Variants in CUL1 observed in about 807,000 individuals in gnomAD.
The protein encoded by CUL1 is cullin 1.
A neutral mutation model predicts 118.0 loss-of-function variants in CUL1; 24 were observed. That is an observed-to-expected ratio of 0.20 (90% CI 0.15 to 0.29). CUL1 has a LOEUF of 0.29. CUL1 is among the 10% of genes least tolerant of loss of function. CUL1 has a pLI of 1.00. For missense variants in CUL1, 361 were observed against 933.8 expected, an observed-to-expected ratio of 0.39 and a Z score of 7.99; for synonymous variants, 332 against 340.4, an observed-to-expected ratio of 0.98 and a Z score of 0.27.
chr7:148,759,434 C>G (rs1297192104), intron 5 of CUL1, 80 bp downstream of exon 5: 5 of 1,493,644 alleles, frequency 3.3e-6, no homozygotes, highest in Non-Finnish European at 4.7e-6. Flanking sequence ...TCTCGTCACT[C>G]CTTCGGATTA....
chr7:148,726,735 C>G (rs765516489), intron 1 of CUL1, among the ~76,000 whole-genome samples: 5 of 151,730 alleles, frequency 3.3e-5, no homozygotes, highest in Non-Finnish European at 7.4e-5. Flanking sequence ...TAAGGTTAAC[C>G]TCTAATTGCC....
intron 19 of CUL1, 77 bp from the exon 20 acceptor site, chr7:148,798,495 G>A (rs530956221): frequency 9.7e-5 from 103 of 1,059,104 alleles, no homozygotes; most frequent in Non-Finnish European, 1.4e-4. Context: ...ACTTCTTAAA[G>A]GTTGAAAAAT....
chr7:148,724,245 C>G (rs1798486406), intron 1 of CUL1, among the ~76,000 whole-genome samples: 1 of 152,196 alleles, frequency 6.6e-6, no homozygotes, highest in African/African-American at 2.4e-5. Flanking sequence ...GATTAGTTCA[C>G]AGTTGGAATT....
chr7:148,737,470 G>A (rs1039945289), intron 2 of CUL1, among the ~76,000 whole-genome samples: 1 of 151,602 alleles, frequency 6.6e-6, no homozygotes. Context: ...GATTATACAG[G>A]ATAGTATGTG....
chr7:148,734,679 G>A (rs960350228), intron 2 of CUL1, among the ~76,000 whole-genome samples: 1 of 152,156 alleles, frequency 6.6e-6, no homozygotes, highest in South Asian at 2.1e-4. Context: ...TATATTTCAG[G>A]TGTTGTGCTT....
At chr7:148,786,621 C>A in intron 12 of CUL1, 22 bp downstream of exon 12, 1 of 1,599,830 alleles carries the variant, frequency 6.3e-7, no homozygotes, top group Non-Finnish European at 8.6e-7. Context: ...ATGAGCATAC[C>A]CATTTCCAGT....
At chr7:148,788,713 G>C in intron 14 of CUL1, 39 bp downstream of exon 14, 1 of 1,313,494 alleles carries the variant, frequency 7.6e-7, no homozygotes, top group Non-Finnish European at 1.1e-6. Context: ...TTTACAGGCA[G>C]AGTTCTCTGT....
intron 1 of CUL1, among the ~76,000 whole-genome samples, chr7:148,723,682 A>G (rs1384031196): frequency 6.6e-6 from 1 of 151,386 alleles, no homozygotes; most frequent in Non-Finnish European, 1.5e-5. Context: ...AAAGAGGTAT[A>G]TTTCATTAAG....
intron 9 of CUL1, among the ~76,000 whole-genome samples, chr7:148,778,783 T>C (rs941324800): frequency 6.6e-6 from 1 of 152,214 alleles, no homozygotes; most frequent in Non-Finnish European, 1.5e-5. Flanking sequence ...ATGTGGAGGC[T>C]GAATGTACCC....
At chr7:148,719,975 G>A (rs1354040300) in intron 1 of CUL1, among the ~76,000 whole-genome samples, 1 of 152,216 alleles carries the variant, frequency 6.6e-6, no homozygotes, top group African/African-American at 2.4e-5. Context: ...TTCCTCATTT[G>A]TGAAACGTAG....
intron 21 of CUL1, among the ~76,000 whole-genome samples, 177 bp downstream of exon 21, chr7:148,799,565 A>C (rs141650038): frequency 1.7e-4 from 26 of 152,380 alleles, no homozygotes; most frequent in African/African-American, 6.0e-4. Flanking sequence ...TACAAAGTGC[A>C]CAGATGATGA....
chr7:148,704,099 G>A (rs982260064), intron 1 of CUL1, among the ~76,000 whole-genome samples: 2 of 151,336 alleles, frequency 1.3e-5, no homozygotes, highest in South Asian at 2.2e-4. Context: ...TAACTTACAA[G>A]CAAATTTACT....
intron 20 of CUL1, among the ~76,000 whole-genome samples, chr7:148,798,955 G>T (rs1563173033): frequency 1.3e-5 from 2 of 152,318 alleles, no homozygotes; most frequent in South Asian, 2.1e-4. Context: ...GAGTTCTTCA[G>T]TGGGGAGGAT....
intron 9 of CUL1, chr7:148,783,395 G>C: frequency 1.0e-6 from 1 of 985,460 alleles, no homozygotes; most frequent in Non-Finnish European, 1.2e-6. Flanking sequence ...GCTGATGACC[G>C]ACCTCGGCGG....
At chr7:148,748,898 C>A (rs1466927208) in intron 2 of CUL1, among the ~76,000 whole-genome samples, 1 of 151,960 alleles carries the variant, frequency 6.6e-6, no homozygotes, top group Admixed American at 6.6e-5. Flanking sequence ...TTAGAACGAA[C>A]AGTGGAAAAG....
intron 1 of CUL1, among the ~76,000 whole-genome samples, chr7:148,700,915 C>T (rs1033440705): frequency 6.6e-6 from 1 of 152,148 alleles, no homozygotes; most frequent in Admixed American, 6.5e-5. Context: ...TGTACCACAT[C>T]AGAAGACAGA....
chr7:148,767,798 C>A (rs748895599), intron 9 of CUL1, 49 bp downstream of exon 9: 4 of 1,585,372 alleles, frequency 2.5e-6, no homozygotes, highest in Admixed American at 3.5e-5. Flanking sequence ...TTTCCACATG[C>A]GAACTGCAAG....
chr7:148,796,290 C>T (rs576355355), intron 17 of CUL1, among the ~76,000 whole-genome samples: 42 of 152,254 alleles, frequency 2.8e-4, no homozygotes, highest in African/African-American at 1.0e-3. Context: ...TGATGTTGAA[C>T]CACCCTGGTG....
At chr7:148,772,645 C>T (rs115029680) in intron 9 of CUL1, among the ~76,000 whole-genome samples, 201 of 152,246 alleles carry the variant, frequency 1.3e-3, no homozygotes, top group African/African-American at 4.6e-3. Context: ...AATGCCTTGC[C>T]TTTGTCCTTG....
Sources: allele counts gnomAD v4.1 joint callset (sites outside exome capture counted in the v4.1 genomes callset), GRCh38; gene constraint gnomAD v4.1.1; transcripts MANE v1.5; gene names NCBI Gene and HGNC (gene_info 2026-07-23, HGNC 2026-07-21).